Variants in INSC observed in about 807,000 individuals in gnomAD.
INSC encodes the protein protein inscuteable homolog.
Under a neutral mutation model 58.6 loss-of-function variants are expected in INSC, and 67 were observed. The observed-to-expected ratio is 1.14, with a 90% CI of 0.94 to 1.40. The LOEUF (loss-of-function observed/expected upper bound fraction) is 1.40, where lower values mean the gene tolerates loss of function less well. Among genes scored for constraint, INSC ranks in the 40% most tolerant of loss-of-function variants. The probability of loss-of-function intolerance (pLI) is 0.00; values close to 1 mark genes in which losing one functional copy is unlikely to be tolerated. For synonymous variants in INSC, 262 were observed against 276.1 expected (o/e 0.95, Z 0.51); for missense variants, 714 against 692.0 (o/e 1.03, Z -0.36).
chr11:15,129,422 A>T lies in INSC; in HGVS notation c.-46+14419A>T, dbSNP rs919131645. ...ATTCAACTTGTCAAGTTCTAGAAAA[A>T]AATCCTATAGGGAATTGATTGGAAT... On this transcript the variant is annotated intron_variant, in intron 1 of 12. Coordinates refer to ENST00000379556, the MANE Select transcript of INSC (RefSeq NM_001042536.3). 4.6e-5 allele frequency among the ~76,000 whole-genome samples: 7 copies of T among 152,348 alleles called. No homozygotes were observed. The South Asian group carries it at 1.5e-3, about 32-fold the overall frequency.
At chr11:15,244,637 C>G (rs1852490310) in intron 12 of INSC, among the ~76,000 whole-genome samples, 1 of 152,146 alleles carries the variant, frequency 6.6e-6, no homozygotes, top group African/African-American at 2.4e-5. Flanking sequence ...GCCACTTTCC[C>G]CCTCTGAGCC....
At chr11:15,220,475 G>A (rs1227810525) in intron 7 of INSC, among the ~76,000 whole-genome samples, 1 of 152,184 alleles carries the variant, frequency 6.6e-6, no homozygotes, top group Non-Finnish European at 1.5e-5. Flanking sequence ...GCTGAGGTCT[G>A]AGCTCAGGTG....
chr11:15,142,316 A>G (rs1848390972), intron 1 of INSC, among the ~76,000 whole-genome samples: 1 of 152,128 alleles, frequency 6.6e-6, no homozygotes, highest in South Asian at 2.1e-4. Context: ...AAACTCCACC[A>G]CCAGGCCAGA....
rs1230205065 is a variant in INSC at position 15,240,366 on chromosome 11, T to C, written c.1394-81T>C. The C allele has an allele frequency of 3.3e-6, 4 of 1,221,782 alleles. No homozygotes were observed. The Admixed American group carries it at 5.5e-5, about 17-fold the overall frequency. 75.7% of individuals were successfully genotyped at this position (1,221,782 alleles called of 1,614,324 possible). ...GTCCCCTTCTCTGGCAGATTGGGTG[T>C]GCAAGGGAGGCCCAGAACCTCTGGG... is the stretch of plus-strand genomic sequence containing the variant. On this transcript the variant is annotated intron_variant, in intron 11 of 12. Transcript: ENST00000379556.
chr11:15,191,580 G>A (rs1052930112), intron 6 of INSC, among the ~76,000 whole-genome samples: 7 of 152,148 alleles, frequency 4.6e-5, no homozygotes, highest in African/African-American at 1.7e-4. Flanking sequence ...CTCAAACCCA[G>A]TTGAAAGAAA....
chr11:15,128,210 C>A (rs1211679997), intron 1 of INSC, among the ~76,000 whole-genome samples: 1 of 152,150 alleles, frequency 6.6e-6, no homozygotes, highest in East Asian at 1.9e-4. Flanking sequence ...GGTTAGGACC[C>A]TGTCTTCTGG....
intron 1 of INSC, among the ~76,000 whole-genome samples, chr11:15,115,997 T>A (rs1454049119): frequency 6.6e-6 from 1 of 152,164 alleles, no homozygotes; most frequent in Non-Finnish European, 1.5e-5. Flanking sequence ...TGGGGAATAT[T>A]TTAAGTCAGG....
At chr11:15,220,454 C>A (rs1330414583) in intron 7 of INSC, among the ~76,000 whole-genome samples, 1 of 152,196 alleles carries the variant, frequency 6.6e-6, no homozygotes, top group Non-Finnish European at 1.5e-5. Context: ...TGTGTACTGA[C>A]CCCAATGGAG....
intron 7 of INSC, among the ~76,000 whole-genome samples, chr11:15,216,863 C>A (rs1054818023): frequency 6.6e-5 from 10 of 152,106 alleles, no homozygotes; most frequent in African/African-American, 2.4e-4. Flanking sequence ...AGTCTAGGAG[C>A]CACCAGGTGG....
chr11:15,203,317 G>T (rs1850669524), intron 7 of INSC, among the ~76,000 whole-genome samples: 1 of 152,188 alleles, frequency 6.6e-6, no homozygotes, highest in Admixed American at 6.5e-5. Flanking sequence ...TGGCATAGGG[G>T]ATAGTAGCTT....
intron 2 of INSC, 124 bp downstream of exon 2, chr11:15,149,354 C>A: frequency 2.1e-6 from 2 of 974,204 alleles, no homozygotes; most frequent in Non-Finnish European, 2.8e-6. Context: ...GGGGAGGATG[C>A]CGAGCATAAG....
chr11:15,132,002 T>C (rs954462286), intron 1 of INSC, among the ~76,000 whole-genome samples: 1 of 152,144 alleles, frequency 6.6e-6, no homozygotes. Context: ...TTTCTTTCTT[T>C]GTTTGGATTA....
rs984657931 is a variant in INSC, at chr11:15,211,435, C to T, written c.820-10042C>T. ...ATTGATGTATAAACTTTGAAAAACA[C>T]GTTCTACATATAAATTCTCTTAAGA... On this transcript the variant is annotated intron_variant, in intron 7 of 12. Coordinates refer to ENST00000379556, the MANE Select transcript of INSC (RefSeq NM_001042536.3). Among the ~76,000 whole-genome samples the T allele has an allele frequency of 3.3e-5, 5 of 152,158 alleles. No homozygotes were observed. In the East Asian group the frequency reaches 5.8e-4, roughly 18 times the overall value.
intron 9 of INSC, among the ~76,000 whole-genome samples, chr11:15,229,984 TATATATA>T (rs1564917343): frequency 2.4e-3 from 58 of 24,550 alleles, no homozygotes; most frequent in South Asian, 0.019. Context: ...ATATATTATA[TATATATA>T]TATATATATA....
the INSC span, among the ~76,000 whole-genome samples, chr11:15,256,582 C>G: frequency 1.3e-5 from 2 of 151,818 alleles, no homozygotes; most frequent in Non-Finnish European, 2.9e-5. Context: ...CTCCGCCTTC[C>G]AGTTTCAAGC....
chr11:15,148,993 T>A, intron 1 of INSC, 137 bp from the exon 2 acceptor site: 1 of 1,077,020 alleles, frequency 9.3e-7, no homozygotes, highest in Non-Finnish European at 1.2e-6. Flanking sequence ...GAGTGTAAAC[T>A]GGTTCAACAG....
intron 2 of INSC, among the ~76,000 whole-genome samples, chr11:15,168,064 T>C (rs1299187045): frequency 6.6e-6 from 1 of 152,186 alleles, no homozygotes; most frequent in Non-Finnish European, 1.5e-5. Context: ...CCCATCTGCC[T>C]ATGTTAAGGC....
intron 10 of INSC, 103 bp from the exon 11 acceptor site, chr11:15,238,816 C>A: frequency 1.6e-6 from 2 of 1,232,634 alleles, no homozygotes; most frequent in Non-Finnish European, 2.3e-6. Context: ...CTGAAGTCAT[C>A]CTGACAGCCT....
intron 9 of INSC, among the ~76,000 whole-genome samples, chr11:15,231,716 C>T (rs1185841081): frequency 2.6e-5 from 4 of 152,226 alleles, no homozygotes; most frequent in Non-Finnish European, 5.9e-5. Context: ...GTAATTATAA[C>T]TTTTCATGAA....
Sources: allele counts gnomAD v4.1 joint callset (sites outside exome capture counted in the v4.1 genomes callset), GRCh38; gene constraint gnomAD v4.1.1; transcripts MANE v1.5; gene names NCBI Gene and HGNC (gene_info 2026-07-23, HGNC 2026-07-21).